MFF: variants seen among roughly 807,000 people sequenced by gnomAD.
The protein encoded by MFF is chromosome 2 open reading frame 33.
Under a neutral mutation model 36.9 loss-of-function variants are expected in MFF, and 12 were observed. The observed-to-expected ratio is 0.33, with a 90% CI of 0.21 to 0.53. The LOEUF (loss-of-function observed/expected upper bound fraction) is 0.53. Among genes scored for constraint, MFF ranks in the 20% least tolerant of loss-of-function variants. The pLI is 0.95. For synonymous variants in MFF, 99 were observed against 126.2 expected, an observed-to-expected ratio of 0.78 and a Z score of 1.44; for missense variants, 348 against 366.6, an observed-to-expected ratio of 0.95 and a Z score of 0.42.
At chr2:227,333,505 A>C (rs949150815) in intron 4 of MFF, among the ~76,000 whole-genome samples, 4 of 152,230 alleles carry the variant, frequency 2.6e-5, no homozygotes, top group African/African-American at 9.6e-5. Flanking sequence ...AACATTTTTT[A>C]ACTTTTATCT....
chr2:227,327,430 A>G (rs745542457), intron 1 of MFF, among the ~76,000 whole-genome samples: 14 of 143,040 alleles, frequency 9.8e-5, no homozygotes, highest in Non-Finnish European at 1.9e-4. Flanking sequence ...AACGAGGGAG[A>G]AAAAAAATCA....
chr2:227,332,224 G>A (rs1231469754), intron 3 of MFF, among the ~76,000 whole-genome samples, 195 bp from the exon 4 acceptor site: 5 of 151,566 alleles, frequency 3.3e-5, no homozygotes, highest in South Asian at 2.1e-4. Flanking sequence ...CGCCCGCCTC[G>A]GCCTCCCAAA....
chr2:227,350,576 A>G (rs896459211), intron 6 of MFF, among the ~76,000 whole-genome samples: 15 of 152,140 alleles, frequency 9.9e-5, no homozygotes, highest in Non-Finnish European at 2.2e-4. Context: ...AGACCTAGAA[A>G]TCCAGAGTTG....
At chr2:227,330,869 G>A in intron 3 of MFF, 23 bp downstream of exon 3, 1 of 1,467,482 alleles carries the variant, frequency 6.8e-7, no homozygotes, top group Non-Finnish European at 9.2e-7. Context: ...TACTTAGAAG[G>A]TTGCCTGTTA....
intron 4 of MFF, among the ~76,000 whole-genome samples, chr2:227,338,855 A>AC (rs2075214606): frequency 6.6e-6 from 1 of 150,390 alleles, no homozygotes; most frequent in Non-Finnish European, 1.5e-5. Flanking sequence ...AAAAAAAAAA[A>AC]CCATAATGTT....
intron 4 of MFF, among the ~76,000 whole-genome samples, chr2:227,339,343 G>A (rs2075255321): frequency 6.6e-6 from 1 of 152,216 alleles, no homozygotes; most frequent in South Asian, 2.1e-4. Context: ...AGCATTCTGT[G>A]GGTTAGGTAT....
chr2:227,330,986 AT>A, intron 3 of MFF, 140 bp downstream of exon 3: 1 of 678,648 alleles, frequency 1.5e-6, no homozygotes, highest in Non-Finnish European at 2.5e-6. Flanking sequence ...TCTATTCATT[AT>A]TATAGTCTGA....
chr2:227,326,748 A>T (rs764495015), intron 1 of MFF, among the ~76,000 whole-genome samples: 2 of 152,196 alleles, frequency 1.3e-5, no homozygotes, highest in Non-Finnish European at 2.9e-5. Flanking sequence ...ATCTGTGTGA[A>T]CTAGGTCCAC....
chr2:227,338,692 T>C (rs963378910), intron 4 of MFF, among the ~76,000 whole-genome samples: 2 of 149,868 alleles, frequency 1.3e-5, no homozygotes, highest in Non-Finnish European at 3.0e-5. Context: ...GAGCAAGGTG[T>C]GGTGGCACAC....
intron 3 of MFF, among the ~76,000 whole-genome samples, chr2:227,331,297 G>A (rs1335356134): frequency 6.6e-6 from 1 of 152,114 alleles, no homozygotes; most frequent in Non-Finnish European, 1.5e-5. Context: ...ACTCTTATCT[G>A]TCTTCTTTTG....
intron 5 of MFF, among the ~76,000 whole-genome samples, chr2:227,341,024 G>C (rs1053609891): frequency 7.9e-5 from 12 of 151,836 alleles, no homozygotes; most frequent in Admixed American, 6.6e-4. Context: ...GCCAATTTTC[G>C]TAAACTCATG....
intron 1 of MFF, among the ~76,000 whole-genome samples, chr2:227,327,060 A>G (rs762263100): frequency 1.3e-5 from 2 of 152,168 alleles, no homozygotes; most frequent in Non-Finnish European, 2.9e-5. Flanking sequence ...TTATATATGT[A>G]CAGCCATGGT....
intron 4 of MFF, among the ~76,000 whole-genome samples, chr2:227,337,895 A>C (rs2075126241): frequency 6.6e-6 from 1 of 151,870 alleles, no homozygotes; most frequent in Non-Finnish European, 1.5e-5. Flanking sequence ...AAAAAATACA[A>C]AAATTAGCTG....
intron 3 of MFF, among the ~76,000 whole-genome samples, chr2:227,332,145 T>A (rs1464225682): frequency 1.6e-5 from 2 of 126,718 alleles, no homozygotes; most frequent in African/African-American, 5.5e-5. Flanking sequence ...CTAATTTTTT[T>A]GTATTTTTAG....
intron 7 of MFF, chr2:227,355,468 T>A: frequency 3.4e-6 from 1 of 294,772 alleles, no homozygotes; most frequent in Non-Finnish European, 6.3e-6. Flanking sequence ...TTTAGTGCCC[T>A]TTTTCAATAT....
intron 7 of MFF, among the ~76,000 whole-genome samples, chr2:227,354,218 A>G (rs990632949): frequency 2.0e-5 from 3 of 152,196 alleles, no homozygotes; most frequent in Non-Finnish European, 4.4e-5. Flanking sequence ...ATACTTTATT[A>G]AAGTATTTTT....
chr2:227,342,736 T>G (rs776864848), intron 5 of MFF: 3 of 1,605,298 alleles, frequency 1.9e-6, no homozygotes, highest in Non-Finnish European at 2.6e-6. Context: ...AGCATAATTA[T>G]TATTTAAGGT....
At chr2:227,326,924 G>A (rs2074194607) in intron 1 of MFF, among the ~76,000 whole-genome samples, 1 of 152,188 alleles carries the variant, frequency 6.6e-6, no homozygotes, top group South Asian at 2.1e-4. Context: ...TACAGAAAAT[G>A]AGAAAGTTGG....
Position 227,325,990 on chromosome 2 carries a change from C to T in MFF, c.-153+563C>T, listed in dbSNP as rs552087286. Reference sequence around the variant, plus strand: ...GTCCGTCTGTGAGCATCCCTGCTCGCAGATGTGGCTGCAGGCAGTTGCTCT... The same window carrying T: ...GTCCGTCTGTGAGCATCCCTGCTCGTAGATGTGGCTGCAGGCAGTTGCTCT... On this transcript the variant is annotated intron_variant, in intron 1 of 8. Transcript: ENST00000304593. Among the ~76,000 whole-genome samples, 64 of 152,252 alleles carry T rather than the reference C, an allele frequency of 4.2e-4. 1 individual carries two copies. In the South Asian group the frequency reaches 0.013, roughly 32 times the overall value.
Sources: allele counts gnomAD v4.1 joint callset (sites outside exome capture counted in the v4.1 genomes callset), GRCh38; gene constraint gnomAD v4.1.1; transcripts MANE v1.5; gene names NCBI Gene and HGNC (gene_info 2026-07-23, HGNC 2026-07-21).